The following NRXN1 variants were observed in gnomAD, a reference collection of about 807,000 sequenced individuals.
The protein encoded by NRXN1 is neurexin 1.
Under a neutral mutation model 150.9 loss-of-function variants are expected in NRXN1, and 39 were observed. The observed-to-expected ratio is 0.26, with a 90% CI of 0.20 to 0.34. The LOEUF (loss-of-function observed/expected upper bound fraction) is 0.34, where lower values mean the gene tolerates loss of function less well. Ranked by LOEUF, NRXN1 falls within the 10% of genes least tolerant of loss-of-function variation. NRXN1 has a pLI of 1.00. For synonymous variants in NRXN1, 924 were observed against 757.0 expected, an observed-to-expected ratio of 1.22 and a Z score of -3.62; for missense variants, 1,815 against 1,949.9, an observed-to-expected ratio of 0.93 and a Z score of 1.30.
At chr2:50,164,271 A>T (rs1271600896) in intron 18 of NRXN1, among the ~76,000 whole-genome samples, 1 of 152,208 alleles carries the variant, frequency 6.6e-6, no homozygotes, top group Non-Finnish European at 1.5e-5. Flanking sequence ...GACGGCAAAG[A>T]CACTCTCTGC....
chr2:50,034,768 G>T lies in NRXN1; in HGVS notation c.4128+18503C>A, dbSNP rs140617810. Among the ~76,000 whole-genome samples, 58 of 152,084 alleles carry T rather than the reference G, an allele frequency of 3.8e-4. 2 individuals are homozygous for T. The East Asian group carries it at 3.9e-3, about 10-fold the overall frequency. On this transcript the variant is annotated intron_variant, in intron 21 of 22. Coordinates refer to ENST00000401669, the MANE Select transcript of NRXN1 (RefSeq NM_001330078.2). ...TTTGTATATGACTCAAACCCATATA[G>T]ATCTGTACCCTATTTCTATCATATT...
At chr2:50,568,777 C>T (rs1480122717) in intron 8 of NRXN1, among the ~76,000 whole-genome samples, 15 of 152,058 alleles carry the variant, frequency 9.9e-5, no homozygotes, top group Admixed American at 9.8e-4. Flanking sequence ...TATGATCCAG[C>T]AACCCACTAG....
chr2:50,422,845 C>T (rs1236729746), intron 17 of NRXN1, among the ~76,000 whole-genome samples: 1 of 152,124 alleles, frequency 6.6e-6, no homozygotes, highest in Non-Finnish European at 1.5e-5. Flanking sequence ...AATCTTTAGA[C>T]ATCAAACACA....
intron 17 of NRXN1, among the ~76,000 whole-genome samples, chr2:50,446,072 C>T (rs557379251): frequency 6.6e-6 from 1 of 151,932 alleles, no homozygotes; most frequent in East Asian, 1.9e-4. Context: ...TGATTATACA[C>T]CAACTCATAT....
intron 17 of NRXN1, among the ~76,000 whole-genome samples, chr2:50,342,671 T>A (rs1352801597): frequency 6.6e-6 from 1 of 152,244 alleles, no homozygotes; most frequent in Non-Finnish European, 1.5e-5. Context: ...TGCATTATTG[T>A]TAAAACATGC....
Position 50,943,093 on chromosome 2 carries a change from G to T in NRXN1, c.773-17138C>A, listed in dbSNP as rs182144855. ...GATAAGTATGTGGCTCTTCTCCTTT[G>T]TGCTCTCTCTCTCTCTCTTCTGCCA... On this transcript the variant is annotated intron_variant, in intron 2 of 22. Coordinates refer to ENST00000401669, the MANE Select transcript of NRXN1 (RefSeq NM_001330078.2). Among the ~76,000 whole-genome samples, 147 of 152,000 alleles carry T rather than the reference G, an allele frequency of 9.7e-4. 1 individual carries two copies. The highest frequency in any genetic ancestry group is 1.5e-3 in the Non-Finnish European group (105 of 67,992).
At chr2:50,443,619 ATCTCTGAACCTCAGCTTTTATTT>A (rs909622268) in intron 17 of NRXN1, among the ~76,000 whole-genome samples, 1 of 152,084 alleles carries the variant, frequency 6.6e-6, no homozygotes, top group Admixed American at 6.5e-5. Flanking sequence ...GCATTTGAAA[ATCTCTGAACCTCAGCTTTTATTT>A]TATAGAAGGA....
At chr2:50,045,917 C>A (rs1456446478) in intron 21 of NRXN1, among the ~76,000 whole-genome samples, 1 of 152,184 alleles carries the variant, frequency 6.6e-6, no homozygotes, top group Non-Finnish European at 1.5e-5. Flanking sequence ...TCTAGTCTAA[C>A]TCACAGCTGG....
At chr2:50,870,166 TA>T (rs1038989283) in intron 5 of NRXN1, among the ~76,000 whole-genome samples, 1 of 151,916 alleles carries the variant, frequency 6.6e-6, no homozygotes, top group African/African-American at 2.4e-5. Flanking sequence ...ACAAATAATA[TA>T]AAAATACATT....
intron 18 of NRXN1, chr2:50,207,621 C>G (rs1715984): frequency 0.87 from 145,253 of 167,756 alleles, 63,146 homozygotes; most frequent in African/African-American, 0.94. Flanking sequence ...GACTTTGAAT[C>G]AAATATTATA....
chr2:50,314,447 A>G (rs1451584403), intron 17 of NRXN1, among the ~76,000 whole-genome samples: 1 of 152,050 alleles, frequency 6.6e-6, no homozygotes, highest in East Asian at 1.9e-4. Flanking sequence ...AACTCACCAC[A>G]ATTAAAACAA....
At chr2:50,230,240 G>T (rs1457080826) in intron 18 of NRXN1, among the ~76,000 whole-genome samples, 1 of 151,948 alleles carries the variant, frequency 6.6e-6, no homozygotes, top group Non-Finnish European at 1.5e-5. Context: ...AGAGAGAATG[G>T]GAAGAAATCT....
At chr2:50,357,285 C>CATTTATTGATTT (rs1553488088) in intron 17 of NRXN1, among the ~76,000 whole-genome samples, 14 of 140,880 alleles carry the variant, frequency 9.9e-5, no homozygotes, top group Non-Finnish European at 1.8e-4. Context: ...ATAAATAATA[C>CATTTATTGATTT]ATTTATTTAT....
chr2:50,922,487 G>A lies in NRXN1; in HGVS notation c.820+171C>T, dbSNP rs1297647122. 1.2e-5 allele frequency: 9 copies of A among 739,798 alleles called. No individual in the cohort carries two copies. In the East Asian group the frequency reaches 1.4e-4, roughly 11 times the overall value. 45.8% of individuals were successfully genotyped at this position (739,798 alleles called of 1,614,324 possible). ...CCACAGGAACAAACCAAAATCAAAC[G>A]AACAAAGAAATGGAAGAAAAACACA... is the stretch of plus-strand genomic sequence containing the variant. On this transcript the variant is annotated intron_variant, in intron 4 of 22. Transcript: ENST00000401669.
At chr2:50,154,161 C>T (rs559561259) in intron 18 of NRXN1, among the ~76,000 whole-genome samples, 2 of 151,546 alleles carry the variant, frequency 1.3e-5, no homozygotes, top group South Asian at 2.1e-4. Flanking sequence ...TTTAGATCTT[C>T]CCAGACTCCT....
At chr2:50,560,620 C>T (rs371101571) in intron 8 of NRXN1, among the ~76,000 whole-genome samples, 15 of 151,994 alleles carry the variant, frequency 9.9e-5, no homozygotes, top group East Asian at 3.9e-4. Flanking sequence ...TTAGTAGAGA[C>T]GGGGTTTCAC....
chr2:50,046,124 A>C (rs185659862), intron 21 of NRXN1, among the ~76,000 whole-genome samples: 1 of 152,130 alleles, frequency 6.6e-6, no homozygotes, highest in African/African-American at 2.4e-5. Context: ...AGTCAACAAT[A>C]ATTTGAAGTT....
At chr2:50,989,627 C>T (rs1028314690) in intron 2 of NRXN1, among the ~76,000 whole-genome samples, 1 of 151,902 alleles carries the variant, frequency 6.6e-6, no homozygotes, top group African/African-American at 2.4e-5. Flanking sequence ...TGCCTGTATT[C>T]GTATTTTGTT....
intron 18 of NRXN1, among the ~76,000 whole-genome samples, chr2:50,234,144 C>T (rs1321873687): frequency 6.6e-6 from 1 of 151,890 alleles, no homozygotes; most frequent in Admixed American, 6.6e-5. Flanking sequence ...TGGAGGTAAA[C>T]TTAGGTAGTA....
Sources: gnomAD v4.1 joint callset for allele counts (sites outside exome capture counted in the v4.1 genomes callset) on GRCh38, gnomAD v4.1.1 for gene constraint, MANE v1.5 for transcripts, NCBI Gene and HGNC (gene_info 2026-07-23, HGNC 2026-07-21) for gene names.